The following MAGI2 variants were observed in gnomAD, a reference collection of about 807,000 sequenced individuals.
MAGI2 encodes the protein membrane associated guanylate kinase, WW and PDZ domain containing 2.
A neutral mutation model predicts 133.3 loss-of-function variants in MAGI2; 35 were observed. The observed-to-expected ratio is 0.26, with a 90% CI of 0.20 to 0.35. MAGI2 has a LOEUF of 0.35. MAGI2 is among the 10% of genes least tolerant of loss of function. The probability of loss-of-function intolerance (pLI) is 1.00; values close to 1 mark genes in which losing one functional copy is unlikely to be tolerated. For missense variants in MAGI2, 1,636 were observed against 1,863.4 expected, an observed-to-expected ratio of 0.88 and a Z score of 2.25; for synonymous variants, 729 against 710.6, an observed-to-expected ratio of 1.03 and a Z score of -0.41.
intron 1 of MAGI2, among the ~76,000 whole-genome samples, chr7:79,041,252 A>G (rs1811640334): frequency 6.6e-6 from 1 of 152,186 alleles, no homozygotes; most frequent in South Asian, 2.1e-4. Flanking sequence ...TAACATTTAT[A>G]TATTCAAAGA....
In MAGI2 at chr7:78,127,392, C is replaced by G; in HGVS notation, c.3228G>C (p.Arg1076Ser). 1 of 1,605,318 alleles carries G rather than the reference C, an allele frequency of 6.2e-7. No individual in the cohort carries two copies. ...ENSYRSEVKARQDVKPDIRQP... is the reference protein window; with the variant it reads ...ENSYRSEVKASQDVKPDIRQP... ...GTCGGATGTCTGGTTTCACATCTTG[C>G]CTTGCTTTCACTTCCGACCTGTAAC... Residue 1076 changes from arginine to serine, a missense_variant, in exon 19 of 22, where the codon AGG becomes AGC. This residue lies in a region of MAGI2 where 920 missense variants were observed against 1,093.5 expected (regional missense o/e 0.84). Coordinates refer to ENST00000354212, the MANE Select transcript of MAGI2 (RefSeq NM_012301.4).
chr7:78,400,222 T>C (rs1391332513), intron 6 of MAGI2, among the ~76,000 whole-genome samples: 2 of 152,194 alleles, frequency 1.3e-5, no homozygotes, highest in African/African-American at 4.8e-5. Context: ...CTTTTTCTTC[T>C]GTTAATAAGG....
At chr7:78,527,446 T>C (rs1797075082) in intron 3 of MAGI2, among the ~76,000 whole-genome samples, 1 of 152,228 alleles carries the variant, frequency 6.6e-6, no homozygotes, top group Non-Finnish European at 1.5e-5. Context: ...CACATTGATT[T>C]AGTGGTGAGG....
chr7:78,435,025 G>C (rs1800148226), intron 6 of MAGI2, among the ~76,000 whole-genome samples: 1 of 152,048 alleles, frequency 6.6e-6, no homozygotes, highest in African/African-American at 2.4e-5. Flanking sequence ...TTAAGAGCTT[G>C]GATTCTGGAG....
At chr7:78,116,954 G>T (rs1276245763) in intron 20 of MAGI2, among the ~76,000 whole-genome samples, 1 of 151,502 alleles carries the variant, frequency 6.6e-6, no homozygotes, top group Non-Finnish European at 1.5e-5. Context: ...TTATTAGGAA[G>T]AAAAGCAGTT....
At chr7:79,298,432 G>C (rs1837117471) in intron 1 of MAGI2, among the ~76,000 whole-genome samples, 1 of 152,008 alleles carries the variant, frequency 6.6e-6, no homozygotes, top group Non-Finnish European at 1.5e-5. Context: ...GAACAAGCTA[G>C]TGAAAAACAA....
chr7:78,597,376 G>A (rs1006700653), intron 3 of MAGI2, among the ~76,000 whole-genome samples: 2 of 19,164 alleles, frequency 1.0e-4, no homozygotes, highest in Admixed American at 3.6e-4. Flanking sequence ...GAATTCCTTG[G>A]GGGGGGGGGT....
At chr7:79,324,761 G>T (rs1839557222) in intron 1 of MAGI2, among the ~76,000 whole-genome samples, 1 of 136,144 alleles carries the variant, frequency 7.3e-6, no homozygotes. Flanking sequence ...ATAGTTTTCA[G>T]GATGTCAAGT....
Position 78,132,946 on chromosome 7 carries a change from C to T in MAGI2, c.3146G>A (p.Ser1049Asn), listed in dbSNP as rs1821723935. The part of the protein sequence containing the change: ...LAQPSPATPN[S>N]PIAQPAPPQP... Reference sequence around the variant, plus strand: ...AGGTGGTGCTGGCTGGGCGATGGGGCTGTTGGGGGTGGCTGGGCTTGGCTG... The same window carrying T: ...AGGTGGTGCTGGCTGGGCGATGGGGTTGTTGGGGGTGGCTGGGCTTGGCTG... The change falls in exon 18 of 22, where the codon AGC becomes AAC. Residue 1049 changes from serine to asparagine, a missense_variant. By Grantham distance (46) the Ser-to-Asn change is conservative. Around this residue, in one of 5 missense-constraint regions of MAGI2, gnomAD observed 920 missense variants for 1,093.5 expected, o/e 0.84. Transcript: ENST00000354212. 1 of 1,613,578 alleles carries T rather than the reference C, an allele frequency of 6.2e-7. No homozygotes were observed. Among genetic ancestry groups the T allele is most frequent in the African/African-American group, 1.3e-5 (1 of 74,852 alleles).
intron 20 of MAGI2, among the ~76,000 whole-genome samples, chr7:78,124,861 CTTT>C (rs10707820): frequency 1.5e-5 from 2 of 137,446 alleles, no homozygotes; most frequent in Non-Finnish European, 1.6e-5. Context: ...TAGCTGCTGT[CTTT>C]TTTTTTTTTT....
At chr7:78,136,322 G>A (rs1822130336) in intron 16 of MAGI2, among the ~76,000 whole-genome samples, 1 of 151,958 alleles carries the variant, frequency 6.6e-6, no homozygotes, top group African/African-American at 2.4e-5. Flanking sequence ...GGGTTTCACC[G>A]TGTTAGCCAG....
At chr7:79,077,278 G>C (rs886226839) in intron 1 of MAGI2, among the ~76,000 whole-genome samples, 19 of 151,798 alleles carry the variant, frequency 1.3e-4, no homozygotes, top group Admixed American at 2.6e-4. Context: ...CCTTTTTTGG[G>C]CCGGCGCGGT....
rs117503877 is a variant in MAGI2 at position 78,327,575 on chromosome 7, A to C, written c.1408+16203T>G. 4.1e-3 allele frequency among the ~76,000 whole-genome samples: 627 copies of C among 152,234 alleles called. 1 individual carries two copies. The highest frequency in any genetic ancestry group is 6.6e-3 in the Non-Finnish European group (449 of 68,016). On this transcript the variant is annotated intron_variant, in intron 9 of 21. Coordinates refer to ENST00000354212, the MANE Select transcript of MAGI2 (RefSeq NM_012301.4). The stretch of plus-strand genomic sequence containing the variant: ...TCCCCTCTTCAGCTTCTGTTTATGG[A>C]GGCTAGGGTGAGAGGAGAGGGTTTG...
chr7:78,568,571 T>C (rs900562100), intron 3 of MAGI2, among the ~76,000 whole-genome samples: 1 of 152,172 alleles, frequency 6.6e-6, no homozygotes, highest in Non-Finnish European at 1.5e-5. Flanking sequence ...AGTAATTCTG[T>C]CATTGTATTT....
intron 2 of MAGI2, among the ~76,000 whole-genome samples, chr7:78,724,941 T>G (rs1425493251): frequency 1.3e-5 from 2 of 152,214 alleles, no homozygotes; most frequent in African/African-American, 4.8e-5. Context: ...AATTTCTCAT[T>G]TTTAATATTC....
intron 2 of MAGI2, among the ~76,000 whole-genome samples, chr7:78,991,111 T>C (rs764163267): frequency 5.9e-5 from 9 of 151,874 alleles, no homozygotes; most frequent in Non-Finnish European, 1.2e-4. Context: ...TTTAAAAGTG[T>C]GGTACTTCCT....
At chr7:78,163,031 C>G (rs117542090) in intron 15 of MAGI2, among the ~76,000 whole-genome samples, 3,185 of 152,248 alleles carry the variant, frequency 0.021, 49 homozygotes, top group Non-Finnish European at 0.03. Context: ...AGAAAATTCA[C>G]TAATTTCTAG....
intron 1 of MAGI2, among the ~76,000 whole-genome samples, chr7:79,286,767 C>G (rs1230369809): frequency 3.9e-5 from 6 of 152,044 alleles, no homozygotes. Flanking sequence ...GTCCAGAAAT[C>G]CCCATCCCAA....
chr7:78,216,925 A>G (rs557449721), intron 10 of MAGI2, among the ~76,000 whole-genome samples: 40 of 152,340 alleles, frequency 2.6e-4, no homozygotes, highest in Non-Finnish European at 5.4e-4. Flanking sequence ...AGATCTGTTC[A>G]GTCCTCACTC....
Sources: allele counts gnomAD v4.1 joint callset (sites outside exome capture counted in the v4.1 genomes callset), GRCh38; gene constraint gnomAD v4.1.1; regional missense constraint gnomAD v4.1.1; transcripts MANE v1.5; gene names NCBI Gene and HGNC (gene_info 2026-07-23, HGNC 2026-07-21).